CCDC200: variants seen among roughly 807,000 people sequenced by gnomAD.
CCDC200 encodes the protein coiled-coil domain containing 200, also known as coiled-coil domain-containing protein 200.
intron 1 of CCDC200, among the ~76,000 whole-genome samples, chr17:43,227,064 C>T (rs980829404): frequency 3.3e-5 from 5 of 151,916 alleles, no homozygotes; most frequent in African/African-American, 9.7e-5. Flanking sequence ...CTGCAACCTC[C>T]ACCTCCCAGG....
rs1382906549 is a variant in CCDC200 at position 43,223,246 on chromosome 17, A to ATTTTTTT, written c.480+303_480+309dup. ...TTTCAATTTTTTTCAATTTTTTTCAATTTTTTTTTTTTTTTGGAGATGTCT... is the reference window on the plus strand; with the variant it reads ...TTTCAATTTTTTTCAATTTTTTTCAATTTTTTTTTTTTTTTTTTTTTTGGAGATGTCT... On this transcript the variant is annotated intron_variant, in intron 3 of 3. Coordinates refer to ENST00000636331, the MANE Select transcript of CCDC200 (RefSeq NM_001363254.2). 1.4e-3 allele frequency among the ~76,000 whole-genome samples: 122 copies of ATTTTTTT among 84,826 alleles called. 4 individuals are homozygous for ATTTTTTT. Among genetic ancestry groups the ATTTTTTT allele is most frequent in the African/African-American group, 4.6e-3 (115 of 25,176 alleles). The allele number at this position is 84,826 out of a possible 152,430, so 55.6% of individuals were successfully genotyped here.
At chr17:43,222,589 C>CT (rs34235178) in intron 3 of CCDC200, among the ~76,000 whole-genome samples, 127 of 139,768 alleles carry the variant, frequency 9.1e-4, no homozygotes, top group Non-Finnish European at 9.0e-4. Context: ...GCATTTTTTC[C>CT]TTTTTTTTTT....
At chr17:43,230,965 G>T (rs2057593745), upstream of CCDC200, among the ~76,000 whole-genome samples, 1 of 57,546 alleles carries the variant, frequency 1.7e-5, no homozygotes, top group Non-Finnish European at 5.5e-5. Context: ...CAGCGACAGA[G>T]TGAGACTCCG....
At chr17:43,226,166 T>C (rs2057568210) in intron 1 of CCDC200, 1 of 152,030 alleles carries the variant, frequency 6.6e-6, no homozygotes, top group South Asian at 2.1e-4. Flanking sequence ...CTGGGCAACA[T>C]AGTGAGACCT....
chr17:43,226,343 A>C (rs1007123652), intron 1 of CCDC200: 6 of 134,904 alleles, frequency 4.4e-5, no homozygotes, highest in East Asian at 4.6e-4. Flanking sequence ...CTTGTCTCAA[A>C]AAAAGAAGAA....
chr17:43,223,286 G>T (rs1244137467), intron 3 of CCDC200, among the ~76,000 whole-genome samples: 2 of 122,836 alleles, frequency 1.6e-5, no homozygotes, highest in Non-Finnish European at 1.6e-5. Context: ...CTGAACTCCT[G>T]GGCTCAAGCA....
chr17:43,230,601 C>T (rs1226411499), upstream of CCDC200, among the ~76,000 whole-genome samples: 1 of 64,144 alleles, frequency 1.6e-5, no homozygotes, highest in African/African-American at 3.8e-5. Context: ...CACTGGAACC[C>T]GGGAGGCAGA....
chr17:43,222,192 A>T (rs908023089), intron 3 of CCDC200, among the ~76,000 whole-genome samples: 3 of 151,174 alleles, frequency 2.0e-5, no homozygotes, highest in Non-Finnish European at 2.9e-5. Flanking sequence ...CTGTCTGTCT[A>T]TCTCACTCTT....
chr17:43,223,801 G>T (rs1009911539), intron 2 of CCDC200, 187 bp from the exon 3 acceptor site: 2 of 152,122 alleles, frequency 1.3e-5, no homozygotes, highest in Non-Finnish European at 2.9e-5. Flanking sequence ...CTGTGCTGTG[G>T]TTCCCTGTTC....
intron 3 of CCDC200, 110 bp downstream of exon 3, chr17:43,223,446 G>C (rs538259740): frequency 1.2e-5 from 1 of 82,110 alleles, no homozygotes; most frequent in South Asian, 6.1e-4. Flanking sequence ...CTGCTAAGGA[G>C]GTTTCTCTGG....
chr17:43,224,682 G>A (rs2057555178), intron 1 of CCDC200, 133 bp from the exon 2 acceptor site: 1 of 152,224 alleles, frequency 6.6e-6, no homozygotes, highest in Admixed American at 6.5e-5. Flanking sequence ...CCTAGAGCTG[G>A]AGGCTGAAAT....
chr17:43,222,600 T>C lies in CCDC200; in HGVS notation c.480+956A>G, dbSNP rs531414433. Among the ~76,000 whole-genome samples the C allele has an allele frequency of 3.9e-3, 591 of 151,540 alleles. 5 individuals are homozygous for C. The highest frequency in any genetic ancestry group is 0.014 in the African/African-American group (566 of 41,304). ...CCAGGCATTTTTTCCTTTTTTTTTT[T>C]TTTTCTTTCAGGGAGGGTCTCACTC... On this transcript the variant is annotated intron_variant, in intron 3 of 3. Transcript: ENST00000636331.
Position 43,226,971 on chromosome 17 carries a change from T to TTTG in CCDC200, c.105+1476_105+1478dup, listed in dbSNP as rs541715006. The stretch of plus-strand genomic sequence containing the variant: ...TATGTTGTTTTAAAATATTTATATT[T>TTTG]TTGTTGTTGTTGTTGTTGTTTTTTA... On this transcript the variant is annotated intron_variant, in intron 1 of 3. Transcript: ENST00000636331. Among the ~76,000 whole-genome samples, 436 of 152,180 alleles carry TTTG rather than the reference T, an allele frequency of 2.9e-3. 1 individual carries two copies. The highest frequency in any genetic ancestry group is 0.017 in the Middle Eastern group (5 of 294).
At chr17:43,225,505 A>C (rs2057560598) in intron 1 of CCDC200, among the ~76,000 whole-genome samples, 1 of 147,974 alleles carries the variant, frequency 6.8e-6, no homozygotes, top group East Asian at 2.0e-4. Context: ...TCTACTAAAA[A>C]TACAAAAATT....
At chr17:43,223,740 C>T (rs1401855672) in intron 2 of CCDC200, 126 bp from the exon 3 acceptor site, 1 of 152,308 alleles carries the variant, frequency 6.6e-6, no homozygotes, top group Non-Finnish European at 1.5e-5. Flanking sequence ...CAGGCTCCTA[C>T]CTGGGACAGG....
upstream of CCDC200, among the ~76,000 whole-genome samples, chr17:43,230,678 GAAAAAAA>G (rs1194184063): frequency 1.4e-4 from 1 of 6,918 alleles, no homozygotes; most frequent in African/African-American, 2.8e-4. Flanking sequence ...CTTTGTCTCT[GAAAAAAA>G]AAAAAAAAAA....
Sources: gnomAD v4.1 joint callset for allele counts (sites outside exome capture counted in the v4.1 genomes callset) on GRCh38, gnomAD v4.1.1 for gene constraint, MANE v1.5 for transcripts, NCBI Gene and HGNC (gene_info 2026-07-23, HGNC 2026-07-21) for gene names.